The following IQSEC2 variants were observed in gnomAD, a reference collection of about 807,000 sequenced individuals.
IQSEC2 encodes the protein IQ motif and SEC7 domain-containing protein 2.
IQSEC2 carries 6 observed loss-of-function variants against 74.6 expected under a neutral mutation model. The observed-to-expected ratio is 0.08, with a 90% CI of 0.04 to 0.16. The LOEUF is 0.16. IQSEC2 is among the 10% of genes least tolerant of loss of function. IQSEC2 has a pLI of 1.00. For synonymous variants in IQSEC2, 494 were observed against 544.5 expected, an observed-to-expected ratio of 0.91 and a Z score of 1.29; for missense variants, 734 against 1,306.2, an observed-to-expected ratio of 0.56 and a Z score of 6.75.
chrX:53,286,884 G>A (rs189745201), intron 2 of IQSEC2, among the ~76,000 whole-genome samples: 1 of 94,157 alleles, frequency 1.1e-5, no homozygotes, highest in African/African-American at 3.9e-5. Flanking sequence ...AGGTTGCAGT[G>A]AGCCAAGATC....
intron 11 of IQSEC2, among the ~76,000 whole-genome samples, chrX:53,238,798 C>CT (rs1275803996): frequency 1.8e-5 from 2 of 109,528 alleles, no homozygotes; most frequent in African/African-American, 6.6e-5. Context: ...CTCTTACTCC[C>CT]TGTACTGCAG....
downstream of IQSEC2, chrX:53,227,721 C>T (rs963288230): frequency 2.5e-5 from 6 of 241,355 alleles, no homozygotes; most frequent in Non-Finnish European, 4.5e-5. Context: ...GATCTTAGGC[C>T]GAAGGAAGTT....
chrX:53,309,929 G>A (rs781931790), intron 1 of IQSEC2, among the ~76,000 whole-genome samples: 2 of 111,674 alleles, frequency 1.8e-5, no homozygotes, highest in South Asian at 3.7e-4. Context: ...AGTTTTCAGG[G>A]GAAGCAAAGC....
At chrX:53,267,042 TCTC>T (rs782290867) in intron 2 of IQSEC2, 378 of 1,114,642 alleles carry the variant, frequency 3.4e-4, no homozygotes, top group Admixed American at 8.1e-4. Flanking sequence ...TCTTCCTCAG[TCTC>T]CTCCTCCTCC....
rs2074379481 is a variant in IQSEC2 at position 53,250,947 on chromosome X, G to A, written c.1629C>T (p.Pro543=). 8 of 1,209,570 alleles carry A rather than the reference G, an allele frequency of 6.6e-6. No homozygotes were observed. Among genetic ancestry groups the A allele is most frequent in the Middle Eastern group, 2.3e-4 (1 of 4,307 alleles). ...PSTEPPPQGR[P]EFWAPAPLPP... ...GGAGAGGGGCTGGCGCCCAGAACTC[G>A]GGCCGGCCCTGGGGTGGGGGTTCTG... is the stretch of plus-strand genomic sequence containing the variant. The change falls in exon 5 of 15, where the codon CCC becomes CCT. Residue 543 remains proline, a synonymous_variant. Coordinates refer to ENST00000642864, the MANE Select transcript of IQSEC2 (RefSeq NM_001111125.3).
intron 1 of IQSEC2, among the ~76,000 whole-genome samples, chrX:53,309,416 A>G (rs1166020838): frequency 8.9e-6 from 1 of 112,360 alleles, no homozygotes; most frequent in Non-Finnish European, 1.9e-5. Context: ...GTTTGTCAAA[A>G]CAAGCCCTTC....
intron 2 of IQSEC2, among the ~76,000 whole-genome samples, chrX:53,281,022 T>C (rs1219620111): frequency 1.8e-5 from 2 of 112,641 alleles, no homozygotes; most frequent in Non-Finnish European, 3.8e-5. Flanking sequence ...ACAGGGAATC[T>C]TTGAATCTGA....
intron 2 of IQSEC2, among the ~76,000 whole-genome samples, chrX:53,283,427 A>G (rs782366960): frequency 1.6e-4 from 18 of 111,470 alleles, no homozygotes; most frequent in African/African-American, 5.9e-4. Flanking sequence ...GGAAATTCCT[A>G]CCTCACAGTT....
At chrX:53,274,834 C>A (rs1556869214) in intron 2 of IQSEC2, among the ~76,000 whole-genome samples, 1 of 111,189 alleles carries the variant, frequency 9.0e-6, no homozygotes, top group East Asian at 2.8e-4. Context: ...TTGTCTATTT[C>A]TTCCCTGAAT....
downstream of IQSEC2, among the ~76,000 whole-genome samples, chrX:53,232,372 A>G (rs975055800): frequency 2.0e-4 from 22 of 111,855 alleles, no homozygotes; most frequent in African/African-American, 7.1e-4. Context: ...CATTGTGGGG[A>G]TGAGGAGGAG....
chrX:53,237,781 G>C, intron 12 of IQSEC2: 2 of 237,835 alleles, frequency 8.4e-6, no homozygotes, highest in South Asian at 1.2e-4. Context: ...CCCCAATTTC[G>C]TATAGGAAGA....
At chrX:53,309,475 G>A (rs2075300237) in intron 1 of IQSEC2, among the ~76,000 whole-genome samples, 1 of 112,194 alleles carries the variant, frequency 8.9e-6, no homozygotes, top group African/African-American at 3.2e-5. Context: ...AAATGGGCAG[G>A]CTGATGATTC....
At chrX:53,297,972 A>G (rs782246201) in intron 1 of IQSEC2, among the ~76,000 whole-genome samples, 2 of 111,394 alleles carry the variant, frequency 1.8e-5, no homozygotes, top group Admixed American at 1.9e-4. Context: ...TGTACTAAAA[A>G]TACAAAAATT....
chrX:53,258,509 G>A (rs1383405983), intron 2 of IQSEC2, among the ~76,000 whole-genome samples: 2 of 111,493 alleles, frequency 1.8e-5, no homozygotes, highest in African/African-American at 3.3e-5. Flanking sequence ...CACAGCCTCC[G>A]ATCTCCTCTT....
chrX:53,248,650 C>G, intron 6 of IQSEC2, 71 bp downstream of exon 6: 6 of 1,091,550 alleles, frequency 5.5e-6, no homozygotes, highest in Non-Finnish European at 1.3e-6. Context: ...GGACAGGCTG[C>G]CCCCTTCCTC....
At chrX:53,226,779 C>T (rs966765725), downstream of IQSEC2, 1 of 112,158 alleles carries the variant, frequency 8.9e-6, no homozygotes, top group African/African-American at 3.2e-5. Flanking sequence ...GCAGTCCCAC[C>T]AGCTCTGCCA....
At chrX:53,252,097 C>T (rs2074398958) in intron 4 of IQSEC2, among the ~76,000 whole-genome samples, 1 of 112,042 alleles carries the variant, frequency 8.9e-6, no homozygotes, top group Admixed American at 9.4e-5. Flanking sequence ...GAGTCTTGCT[C>T]TCACCCAGGC....
intron 2 of IQSEC2, among the ~76,000 whole-genome samples, chrX:53,270,448 G>C (rs1359505850): frequency 9.1e-6 from 1 of 110,393 alleles, no homozygotes; most frequent in African/African-American, 3.3e-5. Context: ...CTTCTATCTG[G>C]AACATCGTCC....
At chrX:53,306,256 C>G (rs1448881123) in intron 1 of IQSEC2, among the ~76,000 whole-genome samples, 1 of 112,088 alleles carries the variant, frequency 8.9e-6, no homozygotes, top group Non-Finnish European at 1.9e-5. Context: ...CCCAGCCAAT[C>G]CCGGCAAAGC....
Sources: gnomAD v4.1 joint callset for allele counts (sites outside exome capture counted in the v4.1 genomes callset) on GRCh38, gnomAD v4.1.1 for gene constraint, MANE v1.5 for transcripts, NCBI Gene and HGNC (gene_info 2026-07-23, HGNC 2026-07-21) for gene names.